PPP1R12B: variants seen among roughly 807,000 people sequenced by gnomAD.
PPP1R12B encodes protein phosphatase 1 regulatory subunit 12B, also known as myosin phosphatase target subunit 2.
PPP1R12B carries 76 observed loss-of-function variants against 126.1 expected under a neutral mutation model. The observed-to-expected ratio is 0.60, with a 90% CI of 0.50 to 0.73. PPP1R12B has a LOEUF of 0.73. Ranked by LOEUF, PPP1R12B falls within the 30% of genes least tolerant of loss-of-function variation. The pLI, the probability that PPP1R12B is intolerant of heterozygous loss-of-function variation, is 0.00. For synonymous variants in PPP1R12B, 356 were observed against 434.7 expected, an observed-to-expected ratio of 0.82 and a Z score of 2.25; for missense variants, 1,052 against 1,205.1, an observed-to-expected ratio of 0.87 and a Z score of 1.88.
intron 23 of PPP1R12B, among the ~76,000 whole-genome samples, chr1:202,571,217 G>A (rs989663438): frequency 5.9e-5 from 9 of 152,236 alleles, no homozygotes; most frequent in African/African-American, 2.2e-4. Flanking sequence ...GTTGAGATAG[G>A]CTTACATTTT....
At chr1:202,493,751 C>CCTTA (rs1331639350) in intron 15 of PPP1R12B, among the ~76,000 whole-genome samples, 15 of 152,072 alleles carry the variant, frequency 9.9e-5, no homozygotes, top group African/African-American at 3.6e-4. Context: ...GAAATTGAAT[C>CCTTA]ACAGAGGTTA....
intron 18 of PPP1R12B, among the ~76,000 whole-genome samples, chr1:202,528,983 A>G (rs3767408): frequency 0.43 from 65,777 of 151,882 alleles, 15,580 homozygotes; most frequent in East Asian, 0.7. Context: ...GTGATCTCCA[A>G]TGGAAATGTG....
At chr1:202,555,970 G>C (rs889198517) in intron 18 of PPP1R12B, among the ~76,000 whole-genome samples, 1 of 151,462 alleles carries the variant, frequency 6.6e-6, no homozygotes, top group African/African-American at 2.4e-5. Context: ...CTACCTCCTG[G>C]GCTTAAGCAA....
At chr1:202,393,577 A>G (rs1361218291) in intron 1 of PPP1R12B, among the ~76,000 whole-genome samples, 1 of 152,200 alleles carries the variant, frequency 6.6e-6, no homozygotes, top group African/African-American at 2.4e-5. Context: ...ATAAAAATAT[A>G]TGCAGATCAT....
intron 1 of PPP1R12B, among the ~76,000 whole-genome samples, chr1:202,405,078 A>G (rs1666406284): frequency 6.6e-6 from 1 of 152,232 alleles, no homozygotes. Flanking sequence ...CAGTCAGGGA[A>G]CACTGATTAC....
chr1:202,457,095 G>T (rs1673737952), intron 13 of PPP1R12B, among the ~76,000 whole-genome samples: 1 of 152,214 alleles, frequency 6.6e-6, no homozygotes. Context: ...TTTGGTAAAT[G>T]AATCAGGAAT....
chr1:202,369,127 G>A (rs2696963), intron 1 of PPP1R12B, among the ~76,000 whole-genome samples: 148,015 of 152,356 alleles, frequency 0.97, 71,996 homozygotes, highest in East Asian at 1. Context: ...TAAGAGGCAC[G>A]TGAACGCAGA....
chr1:202,446,250 A>T lies in PPP1R12B; in HGVS notation c.1668-2739A>T, dbSNP rs1308092565. Among the ~76,000 whole-genome samples, 314 of 61,548 alleles carry T rather than the reference A, an allele frequency of 5.1e-3. 4 individuals are homozygous for T. The highest frequency in any genetic ancestry group is 0.025 in the African/African-American group (281 of 11,142). 40.4% of individuals were successfully genotyped at this position (61,548 alleles called of 152,430 possible). On this transcript the variant is annotated intron_variant, in intron 12 of 23. Coordinates refer to ENST00000608999, the MANE Select transcript of PPP1R12B (RefSeq NM_002481.4). Reference sequence around the variant, plus strand: ...TCTCTCTCTCTCTATATATATATATATATATATTTTTTTTTTTTTTTGAGA... The same window carrying T: ...TCTCTCTCTCTCTATATATATATATTTATATATTTTTTTTTTTTTTTGAGA...
At chr1:202,569,047 C>A in intron 22 of PPP1R12B, 100 bp from the exon 23 acceptor site, 1 of 1,349,580 alleles carries the variant, frequency 7.4e-7, no homozygotes, top group Non-Finnish European at 1.1e-6. Flanking sequence ...GCAGACAAAC[C>A]TTTGACCGTG....
At chr1:202,556,956 C>A (rs1687018328) in intron 18 of PPP1R12B, among the ~76,000 whole-genome samples, 1 of 152,150 alleles carries the variant, frequency 6.6e-6, no homozygotes, top group Non-Finnish European at 1.5e-5. Context: ...TAGCCCATAG[C>A]CCAGGATCTC....
intron 1 of PPP1R12B, among the ~76,000 whole-genome samples, chr1:202,350,695 A>T (rs957415296): frequency 1.3e-5 from 2 of 150,214 alleles, no homozygotes; most frequent in Admixed American, 1.3e-4. Context: ...ATCTTGGCTC[A>T]CTGCAACCTC....
chr1:202,505,418 G>A (rs1221871478), intron 18 of PPP1R12B, among the ~76,000 whole-genome samples: 1 of 152,030 alleles, frequency 6.6e-6, no homozygotes, highest in Non-Finnish European at 1.5e-5. Context: ...ATTTTTCACA[G>A]CGTTGCTTCT....
rs563338817 is a variant in PPP1R12B, at chr1:202,590,340, C to T, written c.*9780C>T. ...CACCACACTCCCCACAGTTCCACAG[C>T]CTGGCATGTGTTCTCAGGAGATGTG... is the stretch of plus-strand genomic sequence containing the variant. On this transcript the variant is annotated 3_prime_UTR_variant, in exon 24 of 24. Transcript: ENST00000608999. The T allele has an allele frequency of 6.6e-6, 1 of 151,604 alleles. No individual in the cohort carries two copies. The highest frequency in any genetic ancestry group is 2.1e-4 in the South Asian group (1 of 4,768). The allele number at this position is 151,604 out of a possible 1,614,324, so 9.4% of individuals were successfully genotyped here. A position where few individuals can be genotyped will look rare whatever the true frequency, so the allele number is the denominator to read the frequency against.
intron 18 of PPP1R12B, among the ~76,000 whole-genome samples, chr1:202,522,222 G>GAA (rs754975711): frequency 2.6e-5 from 4 of 152,074 alleles, no homozygotes; most frequent in Admixed American, 6.5e-5. Context: ...AATAAATGCA[G>GAA]AAAGAAGTGG....
chr1:202,515,731 T>A (rs530713407), intron 18 of PPP1R12B, among the ~76,000 whole-genome samples: 1 of 152,242 alleles, frequency 6.6e-6, no homozygotes. Context: ...TTCTTTTTAT[T>A]TTTTGTAGAG....
At chr1:202,434,808 C>T (rs755594347) in intron 9 of PPP1R12B, 40 bp downstream of exon 9, 41 of 1,608,682 alleles carry the variant, frequency 2.5e-5, no homozygotes, top group Non-Finnish European at 3.3e-5. Flanking sequence ...AGATTTCACC[C>T]TACTGCAGTA....
Position 202,580,566 on chromosome 1 carries a change from G to C in PPP1R12B, c.*6G>C, listed in dbSNP as rs1689492110. 1 of 1,608,074 alleles carries C rather than the reference G, an allele frequency of 6.2e-7. No homozygotes were observed. The highest frequency in any genetic ancestry group is 1.3e-5 in the African/African-American group (1 of 74,768). ...TCAGCAAACTGTCCAAGTAGGCTAGGCTCCAGATTTATGAGGAAAGAAAGG... is the reference window on the plus strand; with the variant it reads ...TCAGCAAACTGTCCAAGTAGGCTAGCCTCCAGATTTATGAGGAAAGAAAGG... On this transcript the variant is annotated 3_prime_UTR_variant, in exon 24 of 24. Transcript: ENST00000608999.
At chr1:202,532,153 G>A (rs1472365801) in intron 18 of PPP1R12B, among the ~76,000 whole-genome samples, 1 of 152,168 alleles carries the variant, frequency 6.6e-6, no homozygotes, top group Admixed American at 6.5e-5. Context: ...TCCTGATGTT[G>A]CCATGACATT....
rs1278944018 is a variant in PPP1R12B at position 202,582,882 on chromosome 1, C to G, written c.*2322C>G. On this transcript the variant is annotated 3_prime_UTR_variant, in exon 24 of 24. Coordinates refer to ENST00000608999, the MANE Select transcript of PPP1R12B (RefSeq NM_002481.4). The stretch of plus-strand genomic sequence containing the variant: ...CCTGGGTGACAGAGCAAGACTCCAT[C>G]TCAAAAAAAATAATAATAATAAATA... 6.6e-6 allele frequency: 1 copy of G among 151,904 alleles called. No homozygotes were observed. Among genetic ancestry groups the G allele is most frequent in the Non-Finnish European group, 1.5e-5 (1 of 68,002 alleles). 9.4% of individuals were successfully genotyped at this position (151,904 alleles called of 1,614,324 possible). A position where few individuals can be genotyped will look rare whatever the true frequency, so the allele number is the denominator to read the frequency against.
Sources: gnomAD v4.1 joint callset for allele counts (sites outside exome capture counted in the v4.1 genomes callset) on GRCh38, gnomAD v4.1.1 for gene constraint, MANE v1.5 for transcripts, NCBI Gene and HGNC (gene_info 2026-07-23, HGNC 2026-07-21) for gene names.